The following ABCA13 variants were observed in gnomAD, a reference collection of about 807,000 sequenced individuals.
The protein encoded by ABCA13 is ATP binding cassette subfamily A member 13, also known as ATP-binding cassette sub-family A member 13.
Under a neutral mutation model 478.7 loss-of-function variants are expected in ABCA13, and 476 were observed. The ratio of observed to expected loss-of-function variants is 0.99; its 90% confidence interval spans 0.92 to 1.07. ABCA13 has a LOEUF of 1.07. ABCA13 is among the 50% of genes least tolerant of loss of function. The pLI is 0.00. For synonymous variants in ABCA13, 2,252 were observed against 2,158.9 expected, an observed-to-expected ratio of 1.04 and a Z score of -1.20; for missense variants, 6,060 against 5,910.6, an observed-to-expected ratio of 1.03 and a Z score of -0.83.
chr7:48,221,167 T>G, intron 4 of ABCA13, 114 bp from the exon 5 acceptor site: 1 of 549,964 alleles, frequency 1.8e-6, no homozygotes, highest in East Asian at 3.5e-5. Flanking sequence ...GTATTTGATT[T>G]TTGGGCCAGG....
At chr7:48,596,643 A>G (rs931163159) in intron 58 of ABCA13, among the ~76,000 whole-genome samples, 1 of 151,660 alleles carries the variant, frequency 6.6e-6, no homozygotes, top group Non-Finnish European at 1.5e-5. Flanking sequence ...CTAAAAATAC[A>G]AAAAATTAGC....
chr7:48,434,966 C>T (rs1331917922), intron 42 of ABCA13, among the ~76,000 whole-genome samples: 3 of 151,742 alleles, frequency 2.0e-5, no homozygotes, highest in Non-Finnish European at 4.4e-5. Context: ...TCATATTTAT[C>T]AATATTGTTT....
At position 48,273,302 on chromosome 7, in the gene ABCA13, G is replaced by A; in HGVS notation, c.3636G>A (p.Leu1212=). The change falls in exon 17 of 62, where the codon TTG becomes TTA. Residue 1212 remains leucine, a synonymous_variant. Coordinates refer to ENST00000435803, the MANE Select transcript of ABCA13 (RefSeq NM_152701.5). ...ATGTTGCTAGACTCATATTAAATTT[G>A]TTTAAAAATGTAACTCAAGCCAATG... ...THNVARLILN[L]FKNVTQANDF... 1.2e-6 allele frequency: 2 copies of A among 1,613,530 alleles called. No individual in the cohort carries two copies. The highest frequency in any genetic ancestry group is 1.7e-6 in the Non-Finnish European group (2 of 1,179,722).
At position 48,273,180 on chromosome 7, in the gene ABCA13, T is replaced by C; in HGVS notation, c.3514T>C (p.Phe1172Leu). The change falls in exon 17 of 62, where the codon TTC becomes CTC. Residue 1172 changes from phenylalanine to leucine, a missense_variant. Coordinates refer to ENST00000435803, the MANE Select transcript of ABCA13 (RefSeq NM_152701.5). ...ATTATTTAAGTTTGACATGAATGTT[T>C]TCACATCTCTTCATCATGGTTTCAC... ...SQLFKFDMNV[F>L]TSLHHGFTQL... The C allele has an allele frequency of 1.2e-6, 2 of 1,613,738 alleles. No individual in the cohort carries two copies. The highest frequency in any genetic ancestry group is 1.7e-6 in the Non-Finnish European group (2 of 1,179,766).
At chr7:48,584,673 T>C (rs951980831) in intron 56 of ABCA13, among the ~76,000 whole-genome samples, 12 of 152,326 alleles carry the variant, frequency 7.9e-5, no homozygotes, top group Admixed American at 6.5e-4. Flanking sequence ...GGGTAAATCA[T>C]GTTTTTGTTA....
At chr7:48,198,425 C>G in intron 3 of ABCA13, 65 bp downstream of exon 3, 1 of 1,566,454 alleles carries the variant, frequency 6.4e-7, no homozygotes, top group Admixed American at 1.8e-5. Flanking sequence ...CAGGCTTCTG[C>G]TTTTTGTAAA....
At chr7:48,519,074 C>T (rs1832343141) in intron 52 of ABCA13, among the ~76,000 whole-genome samples, 2 of 151,340 alleles carry the variant, frequency 1.3e-5, no homozygotes, top group Non-Finnish European at 2.9e-5. Flanking sequence ...GTTTGGTTTT[C>T]TGTTCCTACA....
Position 48,427,779 on chromosome 7 carries a change from T to A in ABCA13, c.12473T>A (p.Leu4158His). Reference protein sequence around the residue: ...DTTLEEVFLMLLQDSNKKSHI... With the variant: ...DTTLEEVFLMHLQDSNKKSHI... ...TTTCTCCGAAAGGTGTTTTTGATGCTTTTGCAAGATTCCAACAAGAAATCT... is the reference window on the plus strand; with the variant it reads ...TTTCTCCGAAAGGTGTTTTTGATGCATTTGCAAGATTCCAACAAGAAATCT... The change falls in exon 42 of 62, where the codon CTT becomes CAT. Residue 4158 changes from leucine (L) to histidine (H), a missense_variant. Physicochemically the swap from Leu to His is moderately conservative, Grantham distance 99. Transcript: ENST00000435803. The A allele has an allele frequency of 6.2e-7, 1 of 1,613,260 alleles. No individual in the cohort carries two copies. Among genetic ancestry groups the A allele is most frequent in the Non-Finnish European group, 8.5e-7 (1 of 1,179,414 alleles).
intron 8 of ABCA13, among the ~76,000 whole-genome samples, 170 bp from the exon 9 acceptor site, chr7:48,239,071 T>G (rs1790406518): frequency 6.6e-6 from 1 of 152,208 alleles, no homozygotes; most frequent in Non-Finnish European, 1.5e-5. Context: ...CTTTTTTTTT[T>G]TAACTACCAA....
chr7:48,550,917 C>A (rs1785260696), intron 55 of ABCA13, among the ~76,000 whole-genome samples: 1 of 151,438 alleles, frequency 6.6e-6, no homozygotes, highest in Non-Finnish European at 1.5e-5. Context: ...ATTTTTTTTA[C>A]CTTCCAGCTC....
chr7:48,500,876 C>T (rs1232518955), intron 48 of ABCA13, among the ~76,000 whole-genome samples: 1 of 152,192 alleles, frequency 6.6e-6, no homozygotes, highest in Non-Finnish European at 1.5e-5. Flanking sequence ...CTTAGGTGAC[C>T]TTACACAGGA....
chr7:48,423,926 T>C (rs537308747), intron 41 of ABCA13, among the ~76,000 whole-genome samples: 2 of 152,350 alleles, frequency 1.3e-5, no homozygotes, highest in South Asian at 4.1e-4. Context: ...TTAGATAAGA[T>C]TGAAAAGAAT....
chr7:48,598,099 A>G (rs888988407), intron 58 of ABCA13, among the ~76,000 whole-genome samples: 3 of 152,026 alleles, frequency 2.0e-5, no homozygotes, highest in Non-Finnish European at 4.4e-5. Flanking sequence ...CCACCTATTC[A>G]TCTCTCCCTC....
At chr7:48,284,930 GTTA>G (rs1035889187) in intron 19 of ABCA13, among the ~76,000 whole-genome samples, 7 of 152,124 alleles carry the variant, frequency 4.6e-5, no homozygotes, top group African/African-American at 1.7e-4. Flanking sequence ...AATAAGATCT[GTTA>G]TTATTATTGT....
At chr7:48,387,718 T>A in intron 35 of ABCA13, 104 bp from the exon 36 acceptor site, 1 of 1,032,704 alleles carries the variant, frequency 9.7e-7, no homozygotes, top group Non-Finnish European at 1.3e-6. Flanking sequence ...ATATTAAAAA[T>A]ATTAACATGG....
chr7:48,571,253 T>C (rs1253665997), intron 55 of ABCA13, among the ~76,000 whole-genome samples: 1 of 152,210 alleles, frequency 6.6e-6, no homozygotes, highest in South Asian at 2.1e-4. Context: ...TATATTTCTT[T>C]ATATGGTAAT....
chr7:48,364,720 G>A (rs1398520136), intron 31 of ABCA13, among the ~76,000 whole-genome samples: 3 of 152,042 alleles, frequency 2.0e-5, no homozygotes, highest in Non-Finnish European at 2.9e-5. Flanking sequence ...TTCCATCCGT[G>A]TTGCTTCAAA....
chr7:48,272,744 T>G lies in ABCA13; in HGVS notation c.3078T>G (p.Asn1026Lys). 6.2e-7 allele frequency: 1 copy of G among 1,609,192 alleles called. No homozygotes were observed. The highest frequency in any genetic ancestry group is 8.5e-7 in the Non-Finnish European group (1 of 1,177,046). The change falls in exon 17 of 62, where the codon AAT becomes AAG. Residue 1026 changes from asparagine (N) to lysine (K), a missense_variant. Around this residue, in one of 3 missense-constraint regions of ABCA13, gnomAD observed 4,423 missense variants for 4,309.1 expected, o/e 1.03. Transcript: ENST00000435803. Reference protein sequence around the residue: ...KTAEVLGGISNVSYCQQLLSI... With the variant: ...KTAEVLGGISKVSYCQQLLSI... The stretch of plus-strand genomic sequence containing the variant: ...CAGAGGTTCTTGGGGGAATTTCTAA[T>G]GTATCTTACTGTCAGCAATTGCTTT...
At chr7:48,337,031 A>G (rs1806376054) in intron 28 of ABCA13, among the ~76,000 whole-genome samples, 1 of 152,208 alleles carries the variant, frequency 6.6e-6, no homozygotes, top group Non-Finnish European at 1.5e-5. Context: ...CCTGAGTACT[A>G]CTTACTAAGT....
Sources: gnomAD v4.1 joint callset for allele counts (sites outside exome capture counted in the v4.1 genomes callset) on GRCh38, gnomAD v4.1.1 for gene constraint, gnomAD v4.1.1 regional missense constraint, MANE v1.5 for transcripts, NCBI Gene and HGNC (gene_info 2026-07-23, HGNC 2026-07-21) for gene names.